Variants in CFAP107 observed in about 807,000 individuals in gnomAD.
The protein encoded by CFAP107 is cilia- and flagella-associated protein 107.
the CFAP107 span, chr1:12,761,458 C>G: frequency 6.6e-6 from 1 of 152,656 alleles, no homozygotes; most frequent in African/African-American, 2.4e-5. Context: ...AAGGCGTGCT[C>G]TGGCCCCACG....
At chr1:12,762,490 CTA>C in the CFAP107 span, 1 of 151,830 alleles carries the variant, frequency 6.6e-6, no homozygotes, top group Non-Finnish European at 1.5e-5. Context: ...GCTAAGTCCT[CTA>C]TGTTTGTTGG....
the CFAP107 span, chr1:12,746,537 G>A: frequency 1.2e-6 from 2 of 1,607,572 alleles, no homozygotes; most frequent in African/African-American, 1.3e-5. Context: ...GAAGAGAGGA[G>A]AAAGGTAAGG....
chr1:12,760,647 C>T, the CFAP107 span: 1 of 975,158 alleles, frequency 1.0e-6, no homozygotes, highest in Non-Finnish European at 1.5e-6. Flanking sequence ...CAGCCTTGGT[C>T]CCTGACAGAG....
At chr1:12,746,513 C>G in the CFAP107 span, 2 of 1,613,274 alleles carry the variant, frequency 1.2e-6, no homozygotes, top group South Asian at 2.2e-5. Context: ...AAAGTGCTCA[C>G]TGGAAATTGG....
At chr1:12,761,451 G>A in the CFAP107 span, 1 of 152,846 alleles carries the variant, frequency 6.5e-6, no homozygotes, top group South Asian at 2.1e-4. Flanking sequence ...GCAGAGGAAG[G>A]CGTGCTCTGG....
chr1:12,753,612 A>G, the CFAP107 span: 6 of 152,318 alleles, frequency 3.9e-5, no homozygotes, highest in African/African-American at 1.4e-4. Context: ...AACCTGTTCA[A>G]TGGGGGAAAG....
chr1:12,759,477 T>C, the CFAP107 span: 2 of 1,614,156 alleles, frequency 1.2e-6, no homozygotes, highest in Non-Finnish European at 8.5e-7. Context: ...AGTCTGACTT[T>C]CCCCTTCTTG....
the CFAP107 span, chr1:12,755,919 G>A: frequency 6.7e-6 from 5 of 746,470 alleles, no homozygotes; most frequent in Non-Finnish European, 1.1e-5. Context: ...GGGAAATCAG[G>A]AGTAGTCTCA....
the CFAP107 span, chr1:12,746,639 T>A: frequency 5.9e-6 from 5 of 843,562 alleles, no homozygotes; most frequent in Middle Eastern, 5.5e-4. Flanking sequence ...GGGCAGCAGA[T>A]GATTGCATCT....
chr1:12,760,872 C>T, the CFAP107 span: 1 of 1,614,164 alleles, frequency 6.2e-7, no homozygotes, highest in Non-Finnish European at 8.5e-7. Context: ...TACCCCAGAC[C>T]ACCGTTGTGC....
chr1:12,752,259 C>T, the CFAP107 span, among the ~76,000 whole-genome samples: 77 of 151,998 alleles, frequency 5.1e-4, no homozygotes, highest in Admixed American at 2.9e-3. Context: ...TTATAGACAC[C>T]ATGACCAAGT....
chr1:12,749,487 A>T, the CFAP107 span, among the ~76,000 whole-genome samples: 1 of 152,128 alleles, frequency 6.6e-6, no homozygotes, highest in Non-Finnish European at 1.5e-5. Flanking sequence ...GGTATATGCC[A>T]ATAGTCCTAG....
the CFAP107 span, among the ~76,000 whole-genome samples, chr1:12,747,034 T>G: frequency 6.6e-6 from 1 of 151,468 alleles, no homozygotes; most frequent in Admixed American, 6.6e-5. Flanking sequence ...CTGGCACCTT[T>G]CCACAATCCT....
chr1:12,761,049 C>A, the CFAP107 span: 1 of 1,227,084 alleles, frequency 8.1e-7, no homozygotes, highest in Non-Finnish European at 1.1e-6. Flanking sequence ...ACTCAGAGTA[C>A]GAGATCTGGC....
the CFAP107 span, chr1:12,755,646 G>C: frequency 3.2e-6 from 4 of 1,237,444 alleles, no homozygotes; most frequent in Admixed American, 5.1e-5. Context: ...GGACCCAGCA[G>C]AAGTTTGAGA....
the CFAP107 span, chr1:12,755,841 C>A: frequency 6.7e-7 from 1 of 1,485,460 alleles, no homozygotes; most frequent in Non-Finnish European, 9.4e-7. Context: ...CTGGGACACT[C>A]AGGCCTGGAC....
chr1:12,760,975 C>T, the CFAP107 span: 1 of 1,586,620 alleles, frequency 6.3e-7, no homozygotes, highest in Non-Finnish European at 8.6e-7. Flanking sequence ...AGGAGCAGCT[C>T]AGATAGAATC....
chr1:12,755,599 T>C, the CFAP107 span: 1 of 794,146 alleles, frequency 1.3e-6, no homozygotes, highest in Admixed American at 2.0e-5. Flanking sequence ...ATATTTACCT[T>C]TTCCCTACCC....
the CFAP107 span, chr1:12,760,847 A>T: frequency 6.2e-7 from 1 of 1,614,064 alleles, no homozygotes; most frequent in African/African-American, 1.3e-5. Flanking sequence ...GAAGCAGAGC[A>T]CTTATACTTC....
Sources: allele counts gnomAD v4.1 joint callset (sites outside exome capture counted in the v4.1 genomes callset), GRCh38; gene constraint gnomAD v4.1.1; transcripts MANE v1.5; gene names NCBI Gene and HGNC (gene_info 2026-07-23, HGNC 2026-07-21).